CEP63: variants seen among roughly 807,000 people sequenced by gnomAD.
The protein encoded by CEP63 is centrosomal protein of 63 kDa.
A neutral mutation model predicts 89.1 loss-of-function variants in CEP63; 84 were observed. That is an observed-to-expected ratio of 0.94 (90% CI 0.79 to 1.13). The LOEUF is 1.13. Among genes scored for constraint, CEP63 ranks in the 50% most tolerant of loss-of-function variants. CEP63 has a pLI of 0.00. For missense variants in CEP63, 838 were observed against 813.3 expected, an observed-to-expected ratio of 1.03 and a Z score of -0.37; for synonymous variants, 267 against 272.5, an observed-to-expected ratio of 0.98 and a Z score of 0.20.
At chr3:134,744,283 T>C in the CEP63 span, among the ~76,000 whole-genome samples, 1 of 152,140 alleles carries the variant, frequency 6.6e-6, no homozygotes, top group East Asian at 1.9e-4. Flanking sequence ...TGGCCAGATA[T>C]AGCCTTTGGG....
chr3:134,652,450 C>T, the CEP63 span, among the ~76,000 whole-genome samples: 10 of 150,808 alleles, frequency 6.6e-5, no homozygotes, highest in Admixed American at 1.3e-4. Context: ...CAGCGCCCCC[C>T]CCCACCACCC....
At chr3:134,655,992 T>A in the CEP63 span, among the ~76,000 whole-genome samples, 12 of 152,108 alleles carry the variant, frequency 7.9e-5, no homozygotes, top group Middle Eastern at 3.2e-3. Flanking sequence ...AAGTGTGTTG[T>A]GATAGTTCCA....
chr3:134,665,700 CACAGAG>C, the CEP63 span, among the ~76,000 whole-genome samples: 60 of 106,642 alleles, frequency 5.6e-4, no homozygotes, highest in Middle Eastern at 4.8e-3. Flanking sequence ...CACACACACA[CACAGAG>C]AGAGAGAGAG....
chr3:134,528,294 T>C (rs1262895133), intron 3 of CEP63, among the ~76,000 whole-genome samples: 1 of 152,162 alleles, frequency 6.6e-6, no homozygotes, highest in Non-Finnish European at 1.5e-5. Flanking sequence ...CAGTCCCTCA[T>C]TGGCAGCTTT....
intron 1 of CEP63, among the ~76,000 whole-genome samples, chr3:134,492,583 T>C (rs1938092929): frequency 6.6e-6 from 1 of 152,152 alleles, no homozygotes; most frequent in African/African-American, 2.4e-5. Flanking sequence ...TTTTTTTTTT[T>C]TTTTTTAAAC....
chr3:134,567,548 AT>A (rs1316210784), downstream of CEP63, among the ~76,000 whole-genome samples: 3 of 151,550 alleles, frequency 2.0e-5, no homozygotes, highest in African/African-American at 4.8e-5. Context: ...CACAACACAT[AT>A]AGCACAAGCT....
chr3:134,607,757 T>G, the CEP63 span: 3 of 985,922 alleles, frequency 3.0e-6, no homozygotes, highest in South Asian at 9.4e-5. Context: ...GGAGAGCACA[T>G]GTCAGCCCAG....
At chr3:134,643,609 A>C in the CEP63 span, among the ~76,000 whole-genome samples, 1 of 152,250 alleles carries the variant, frequency 6.6e-6, no homozygotes, top group African/African-American at 2.4e-5. Flanking sequence ...GCCTCTTAGC[A>C]GGTGCCAGCA....
chr3:134,608,914 G>A, the CEP63 span: 1 of 1,505,450 alleles, frequency 6.6e-7, no homozygotes, highest in Non-Finnish European at 8.9e-7. Flanking sequence ...CACCGGAGTG[G>A]TCCTATGGAC....
chr3:134,709,408 A>G, the CEP63 span, among the ~76,000 whole-genome samples: 1 of 144,180 alleles, frequency 6.9e-6, no homozygotes, highest in Non-Finnish European at 1.5e-5. Context: ...GAGGAGGGGA[A>G]TGACTGCTGC....
At chr3:134,658,664 C>T in the CEP63 span, among the ~76,000 whole-genome samples, 3 of 152,216 alleles carry the variant, frequency 2.0e-5, no homozygotes, top group Admixed American at 6.5e-5. Flanking sequence ...AGCATTTGCT[C>T]TTCTGTGTCT....
chr3:134,603,921 G>A, the CEP63 span: 2 of 1,614,042 alleles, frequency 1.2e-6, no homozygotes, highest in Non-Finnish European at 1.7e-6. Flanking sequence ...AGACGAAGAT[G>A]TAGTTTCCTG....
intron 1 of CEP63, among the ~76,000 whole-genome samples, chr3:134,488,902 A>G (rs1936653893): frequency 6.6e-6 from 1 of 152,112 alleles, no homozygotes; most frequent in African/African-American, 2.4e-5. Context: ...TCACGCCTGT[A>G]ATCCCAGCAC....
the CEP63 span, among the ~76,000 whole-genome samples, chr3:134,602,852 G>A: frequency 2.0e-5 from 3 of 152,210 alleles, no homozygotes; most frequent in African/African-American, 4.8e-5. Flanking sequence ...CAGCCACAGC[G>A]GGCATGGGCT....
At chr3:134,566,957 T>C (rs1957789906), downstream of CEP63, among the ~76,000 whole-genome samples, 1 of 152,098 alleles carries the variant, frequency 6.6e-6, no homozygotes, top group South Asian at 2.1e-4. Flanking sequence ...ACACAAAAAT[T>C]TGTACACAAA....
In CEP63 at chr3:134,543,248, A is replaced by G. The variant is rs58041584; in HGVS notation, c.556-2338A>G. Among the ~76,000 whole-genome samples the G allele has an allele frequency of 1.2e-3, 184 of 152,300 alleles. 2 individuals carry two copies. The East Asian group carries it at 0.03, about 25-fold the overall frequency. ...TTTTAATGAGTCTTTGAAATCTTCA[A>G]CTGAATTTGTATTTTACGGTTAAGA... On this transcript the variant is annotated intron_variant, in intron 6 of 14. Coordinates refer to ENST00000675561, the MANE Select transcript of CEP63 (RefSeq NM_001353108.3).
At chr3:134,485,790 C>G (rs936701893), upstream of CEP63, 3 of 180,288 alleles carry the variant, frequency 1.7e-5, no homozygotes, top group African/African-American at 7.2e-5. Context: ...CTGGGGGTGC[C>G]ACGCAAGTCC....
the CEP63 span, among the ~76,000 whole-genome samples, chr3:134,709,983 C>T: frequency 2.0e-5 from 3 of 152,254 alleles, no homozygotes; most frequent in Admixed American, 6.5e-5. Context: ...CTTCTCCCCA[C>T]TCCTCCCACC....
At chr3:134,586,564 G>A (rs572884539) in intron 10 of CEP63, among the ~76,000 whole-genome samples, 1 of 152,310 alleles carries the variant, frequency 6.6e-6, no homozygotes, top group Non-Finnish European at 1.5e-5. Context: ...GAGATCTGCT[G>A]TTAGTCTGAT....
Sources: allele counts gnomAD v4.1 joint callset (sites outside exome capture counted in the v4.1 genomes callset), GRCh38; gene constraint gnomAD v4.1.1; transcripts MANE v1.5; gene names NCBI Gene and HGNC (gene_info 2026-07-23, HGNC 2026-07-21).